GLIS3: variants seen among roughly 807,000 people sequenced by gnomAD.
GLIS3 encodes the protein zinc finger protein GLIS3.
GLIS3 carries 53 observed loss-of-function variants against 78.6 expected under a neutral mutation model. The ratio of observed to expected loss-of-function variants is 0.67; its 90% confidence interval spans 0.54 to 0.85. The LOEUF (loss-of-function observed/expected upper bound fraction) is 0.85. Ranked by LOEUF, GLIS3 falls within the 40% of genes least tolerant of loss-of-function variation. GLIS3 has a pLI of 0.00. For missense variants in GLIS3, 1,703 were observed against 1,231.1 expected, an observed-to-expected ratio of 1.38 and a Z score of -5.74; for synonymous variants, 684 against 509.9, an observed-to-expected ratio of 1.34 and a Z score of -4.60.
chr9:3,931,666 C>T (rs1480224007), intron 6 of GLIS3, among the ~76,000 whole-genome samples: 1 of 152,176 alleles, frequency 6.6e-6, no homozygotes, highest in Non-Finnish European at 1.5e-5. Context: ...GTGCAGTCAA[C>T]CACTTGCTAG....
intron 2 of GLIS3, among the ~76,000 whole-genome samples, chr9:4,270,689 C>T (rs1000126212): frequency 1.3e-5 from 2 of 152,176 alleles, no homozygotes; most frequent in Admixed American, 6.5e-5. Flanking sequence ...CTTCTTGCAG[C>T]CTAATGAATT....
intron 2 of GLIS3, among the ~76,000 whole-genome samples, chr9:4,239,796 T>C (rs1471235146): frequency 2.0e-5 from 3 of 152,218 alleles, no homozygotes; most frequent in African/African-American, 4.8e-5. Context: ...CTAAATGCAG[T>C]AGATAAAAGA....
At chr9:4,189,276 G>T (rs1235420634) in intron 2 of GLIS3, among the ~76,000 whole-genome samples, 1 of 152,154 alleles carries the variant, frequency 6.6e-6, no homozygotes, top group Non-Finnish European at 1.5e-5. Context: ...TTCAGGAGCA[G>T]GTTTGTTCAG....
chr9:3,926,481 C>G (rs185913661), intron 6 of GLIS3, among the ~76,000 whole-genome samples: 2 of 152,122 alleles, frequency 1.3e-5, no homozygotes, highest in Admixed American at 6.5e-5. Context: ...CCGCCTGTCT[C>G]GGTCTCCCAA....
the GLIS3 span, among the ~76,000 whole-genome samples, chr9:4,440,122 T>C: frequency 2.0e-5 from 3 of 152,240 alleles, no homozygotes; most frequent in East Asian, 3.8e-4. Flanking sequence ...TTTCAAATAT[T>C]TTCTTCCAGT....
chr9:4,368,107 G>A, the GLIS3 span, among the ~76,000 whole-genome samples: 23 of 152,268 alleles, frequency 1.5e-4, no homozygotes, highest in East Asian at 3.1e-3. Flanking sequence ...CACATGGCAT[G>A]ACTATTCTCA....
chr9:3,829,537 A>AG, intron 9 of GLIS3, 45 bp from the exon 10 acceptor site: 1 of 1,604,400 alleles, frequency 6.2e-7, no homozygotes, highest in Admixed American at 1.7e-5. Context: ...TTTGGGCACA[A>AG]GTTCCACAGA....
chr9:4,037,251 G>A (rs1291964079), intron 4 of GLIS3, among the ~76,000 whole-genome samples: 1 of 152,146 alleles, frequency 6.6e-6, no homozygotes, highest in African/African-American at 2.4e-5. Flanking sequence ...CAGGAGCCTA[G>A]CACGGATACC....
intron 4 of GLIS3, among the ~76,000 whole-genome samples, chr9:4,053,638 A>AG (rs961058181): frequency 2.7e-5 from 4 of 148,764 alleles, no homozygotes; most frequent in South Asian, 2.1e-4. Flanking sequence ...TCAAGGCTAA[A>AG]AAAAAAAAAA....
chr9:3,956,826 T>C (rs1455724825), intron 4 of GLIS3, among the ~76,000 whole-genome samples: 1 of 152,216 alleles, frequency 6.6e-6, no homozygotes, highest in Non-Finnish European at 1.5e-5. Context: ...CTGGCTTTTT[T>C]CTTTTGCAGC....
intron 4 of GLIS3, chr9:4,071,442 G>A (rs1827602669): frequency 6.6e-6 from 1 of 152,080 alleles, no homozygotes; most frequent in Non-Finnish European, 1.5e-5. Flanking sequence ...CACTAACTTT[G>A]CCAATGAGAT....
chr9:4,447,784 G>A, the GLIS3 span, among the ~76,000 whole-genome samples: 1 of 152,164 alleles, frequency 6.6e-6, no homozygotes, highest in Non-Finnish European at 1.5e-5. Flanking sequence ...AAGAGGTTAT[G>A]GAAAGCAGCC....
At chr9:4,158,244 G>C (rs984080651) in intron 2 of GLIS3, among the ~76,000 whole-genome samples, 10 of 151,900 alleles carry the variant, frequency 6.6e-5, no homozygotes, top group African/African-American at 2.4e-4. Context: ...TCTCTTTATT[G>C]GAAAGACGAG....
intron 4 of GLIS3, among the ~76,000 whole-genome samples, chr9:3,957,427 G>A (rs1427142650): frequency 6.6e-6 from 1 of 152,198 alleles, no homozygotes; most frequent in Non-Finnish European, 1.5e-5. Context: ...GCCTGCGTGT[G>A]CAGGAGGAAC....
intron 4 of GLIS3, among the ~76,000 whole-genome samples, chr9:3,982,894 A>G (rs1388287082): frequency 2.0e-5 from 3 of 152,250 alleles, no homozygotes; most frequent in Non-Finnish European, 4.4e-5. Flanking sequence ...GCTCTTAAAT[A>G]TAAGCACAAA....
intron 4 of GLIS3, among the ~76,000 whole-genome samples, chr9:3,976,550 T>C (rs1339469055): frequency 6.6e-6 from 1 of 151,660 alleles, no homozygotes; most frequent in Non-Finnish European, 1.5e-5. Context: ...GGAAAAGGAC[T>C]CTTGAAATGC....
intron 2 of GLIS3, among the ~76,000 whole-genome samples, chr9:4,278,138 G>A (rs1471582504): frequency 6.6e-6 from 1 of 152,194 alleles, no homozygotes; most frequent in African/African-American, 2.4e-5. Context: ...TGAAAACACT[G>A]ACAAGTGTGC....
At chr9:4,059,714 G>C (rs1242426206) in intron 4 of GLIS3, among the ~76,000 whole-genome samples, 1 of 152,014 alleles carries the variant, frequency 6.6e-6, no homozygotes, top group Admixed American at 6.6e-5. Flanking sequence ...GACAATGATA[G>C]ATTCCTCCTC....
At chr9:4,175,464 C>T (rs1347641503) in intron 2 of GLIS3, among the ~76,000 whole-genome samples, 1 of 150,846 alleles carries the variant, frequency 6.6e-6, no homozygotes, top group Non-Finnish European at 1.5e-5. Flanking sequence ...AAAAGCTGGA[C>T]CTCCAGCTAC....
Sources: gnomAD v4.1 joint callset for allele counts (sites outside exome capture counted in the v4.1 genomes callset) on GRCh38, gnomAD v4.1.1 for gene constraint, MANE v1.5 for transcripts, NCBI Gene and HGNC (gene_info 2026-07-23, HGNC 2026-07-21) for gene names.